Variants in CADM2 observed in about 807,000 individuals in gnomAD.
The protein encoded by CADM2 is cell adhesion molecule 2.
Under a neutral mutation model 49.8 loss-of-function variants are expected in CADM2, and 12 were observed. The ratio of observed to expected loss-of-function variants is 0.24; its 90% CI spans 0.15 to 0.39. The LOEUF (loss-of-function observed/expected upper bound fraction) is 0.39, where lower values mean the gene tolerates loss of function less well. Among genes scored for constraint, CADM2 ranks in the 10% least tolerant of loss-of-function variants. CADM2 has a pLI of 1.00. For synonymous variants in CADM2, 214 were observed against 175.4 expected (o/e 1.22, Z -1.74); for missense variants, 378 against 492.3 (o/e 0.77, Z 2.20).
chr3:85,286,755 A>G (rs1458459052), intron 1 of CADM2, among the ~76,000 whole-genome samples: 1 of 152,128 alleles, frequency 6.6e-6, no homozygotes, highest in African/African-American at 2.4e-5. Context: ...CCATCAGTAG[A>G]CTTAATATTG....
chr3:86,042,247 A>G (rs1179094152), intron 8 of CADM2, among the ~76,000 whole-genome samples: 1 of 152,212 alleles, frequency 6.6e-6, no homozygotes, highest in Non-Finnish European at 1.5e-5. Flanking sequence ...ACTGAAGGAA[A>G]TAGAGACACA....
intron 1 of CADM2, among the ~76,000 whole-genome samples, chr3:85,120,936 G>C (rs1208752224): frequency 6.6e-6 from 1 of 152,132 alleles, no homozygotes; most frequent in African/African-American, 2.4e-5. Flanking sequence ...AGTGAAACAC[G>C]CTGTGAAGTA....
intron 1 of CADM2, among the ~76,000 whole-genome samples, chr3:85,604,030 T>C (rs2063486161): frequency 6.6e-6 from 1 of 151,972 alleles, no homozygotes; most frequent in South Asian, 2.1e-4. Flanking sequence ...TAGAATCTTA[T>C]TATACATACT....
At chr3:85,510,936 A>G (rs751418229) in intron 1 of CADM2, among the ~76,000 whole-genome samples, 6 of 152,144 alleles carry the variant, frequency 3.9e-5, no homozygotes, top group Admixed American at 3.3e-4. Flanking sequence ...TCCAATATCC[A>G]ATACAAAACA....
intron 1 of CADM2, among the ~76,000 whole-genome samples, chr3:84,967,295 G>C (rs906912440): frequency 6.6e-6 from 1 of 151,826 alleles, no homozygotes; most frequent in Non-Finnish European, 1.5e-5. Context: ...AAACATCAAG[G>C]CCTAAAATTT....
At chr3:85,624,086 T>A (rs965875878) in intron 1 of CADM2, among the ~76,000 whole-genome samples, 27 of 152,182 alleles carry the variant, frequency 1.8e-4, no homozygotes, top group Non-Finnish European at 5.9e-5. Context: ...TTAATTGGCA[T>A]ATTTAAAAAC....
At chr3:85,974,410 G>A (rs1372958244) in intron 8 of CADM2, among the ~76,000 whole-genome samples, 1 of 151,560 alleles carries the variant, frequency 6.6e-6, no homozygotes, top group Non-Finnish European at 1.5e-5. Context: ...CATTAACTTG[G>A]CACTTGAAAA....
chr3:85,976,503 C>A (rs1388720624), intron 8 of CADM2, among the ~76,000 whole-genome samples: 2 of 151,456 alleles, frequency 1.3e-5, no homozygotes, highest in African/African-American at 4.8e-5. Context: ...TACTATTTCA[C>A]AATATAGCTG....
At chr3:85,665,879 A>G (rs778215818) in intron 1 of CADM2, among the ~76,000 whole-genome samples, 1 of 151,986 alleles carries the variant, frequency 6.6e-6, no homozygotes, top group Non-Finnish European at 1.5e-5. Flanking sequence ...AGTAATAATG[A>G]GAAAGGCTTT....
chr3:85,598,868 T>TAG (rs993557550), intron 1 of CADM2, among the ~76,000 whole-genome samples: 1 of 151,654 alleles, frequency 6.6e-6, no homozygotes, highest in African/African-American at 2.4e-5. Context: ...TATATATATA[T>TAG]ATATAGATTT....
At chr3:85,835,603 A>G (rs902806557) in intron 3 of CADM2, among the ~76,000 whole-genome samples, 1 of 150,838 alleles carries the variant, frequency 6.6e-6, no homozygotes, top group Non-Finnish European at 1.5e-5. Context: ...AAAGAGCCCC[A>G]TGTACTTTAT....
chr3:85,438,211 T>C (rs1262690461), intron 1 of CADM2, among the ~76,000 whole-genome samples: 2 of 152,096 alleles, frequency 1.3e-5, no homozygotes, highest in Middle Eastern at 3.2e-3. Context: ...ATTCATACCA[T>C]GATCTTAACA....
At chr3:85,281,082 T>A (rs1007103828) in intron 1 of CADM2, among the ~76,000 whole-genome samples, 8 of 151,900 alleles carry the variant, frequency 5.3e-5, no homozygotes, top group Non-Finnish European at 7.4e-5. Flanking sequence ...GGAATATATT[T>A]GGGAATGTAT....
At chr3:85,903,164 A>G (rs1446632672) in intron 5 of CADM2, among the ~76,000 whole-genome samples, 2 of 152,156 alleles carry the variant, frequency 1.3e-5, no homozygotes, top group African/African-American at 2.4e-5. Context: ...TAATACAATG[A>G]TAAATAATTG....
chr3:85,212,541 C>G (rs2041804006), intron 1 of CADM2, among the ~76,000 whole-genome samples: 1 of 152,214 alleles, frequency 6.6e-6, no homozygotes, highest in Non-Finnish European at 1.5e-5. Context: ...AATGAACCAA[C>G]AAGTAAACAA....
At chr3:85,292,261 C>T (rs2043821012) in intron 1 of CADM2, among the ~76,000 whole-genome samples, 1 of 148,814 alleles carries the variant, frequency 6.7e-6, no homozygotes, top group Non-Finnish European at 1.5e-5. Context: ...TATATGCAAC[C>T]AATACAAGAG....
At chr3:85,036,601 T>C (rs750130223) in intron 1 of CADM2, among the ~76,000 whole-genome samples, 8 of 152,142 alleles carry the variant, frequency 5.3e-5, no homozygotes, top group Non-Finnish European at 7.3e-5. Flanking sequence ...GTTTTTGCCA[T>C]TACTTTTAGT....
intron 1 of CADM2, among the ~76,000 whole-genome samples, chr3:85,615,191 C>G (rs1392394173): frequency 3.3e-5 from 5 of 150,786 alleles, no homozygotes; most frequent in South Asian, 2.1e-4. Flanking sequence ...GGATATTCCT[C>G]TTAAGTACTA....
chr3:85,889,210 C>A (rs73147164), intron 5 of CADM2, among the ~76,000 whole-genome samples: 3,282 of 152,252 alleles, frequency 0.022, 72 homozygotes, highest in South Asian at 0.096. Context: ...TTTTCTCTAT[C>A]ACTACCTAAC....
Sources: allele counts gnomAD v4.1 joint callset (sites outside exome capture counted in the v4.1 genomes callset), GRCh38; gene constraint gnomAD v4.1.1; transcripts MANE v1.5; gene names NCBI Gene and HGNC (gene_info 2026-07-23, HGNC 2026-07-21).